Variants in KLHL36 observed in about 807,000 individuals in gnomAD.
The protein encoded by KLHL36 is kelch like family member 36.
Under a neutral mutation model 53.3 loss-of-function variants are expected in KLHL36, and 35 were observed. The ratio of observed to expected loss-of-function variants is 0.66; its 90% CI spans 0.50 to 0.87. The LOEUF (loss-of-function observed/expected upper bound fraction) is 0.87. KLHL36 is among the 40% of genes least tolerant of loss of function. The pLI is 0.00. For synonymous variants in KLHL36, 472 were observed against 398.9 expected (o/e 1.18, Z -2.18); for missense variants, 864 against 897.6 (o/e 0.96, Z 0.48).
In KLHL36 at chr16:84,657,913, G is replaced by A; in HGVS notation, c.1106G>A (p.Arg369Lys). Residue 369 changes from arginine (R) to lysine (K), a missense_variant, in exon 3 of 5, where the codon AGG becomes AAG. Physicochemically the swap from Arg to Lys is conservative, Grantham distance 26 (BLOSUM62 2). Transcript: ENST00000564996. ...GGDAASNLLYRYDPRCKQWIK... is the reference protein window; with the variant it reads ...GGDAASNLLYKYDPRCKQWIK... ...GATGCGGCCTCCAATCTTCTTTATAGGTATGACCCCCGCTGTAAACAGTGG... is the reference window on the plus strand; with the variant it reads ...GATGCGGCCTCCAATCTTCTTTATAAGTATGACCCCCGCTGTAAACAGTGG... 1 of 1,537,002 alleles carries A rather than the reference G, an allele frequency of 6.5e-7. No homozygotes were observed. The highest frequency in any genetic ancestry group is 8.8e-7 in the Non-Finnish European group (1 of 1,141,916).
In KLHL36 at chr16:84,661,931, TC is replaced by T; in HGVS notation, c.1651del (p.Leu551TrpfsTer91). ...GVAVWEGRIY[I>X]LGGYSWENTA... ...GCAGTGTGGGAGGGCCGCATCTACA[TC>T]CTGGGCGGCTACAGCTGGGAGAACA... On this transcript the variant is annotated frameshift_variant, in exon 5 of 5. Coordinates refer to ENST00000564996, the MANE Select transcript of KLHL36 (RefSeq NM_024731.4). LOFTEE classifies it high-confidence loss of function. The surrounding 1 kb of genome is among the most constrained non-coding windows in gnomAD (Gnocchi z 7.9). 1 of 1,601,226 alleles carries T rather than the reference TC, an allele frequency of 6.2e-7. No homozygotes were observed. Among genetic ancestry groups the T allele is most frequent in the Non-Finnish European group, 8.5e-7 (1 of 1,173,612 alleles).
At position 84,655,703 on chromosome 16, in the gene KLHL36, C is replaced by CAAAA. The variant is rs568975346; in HGVS notation, c.64-1153_64-1150dup. On this transcript the variant is annotated intron_variant, in intron 2 of 4. Transcript: ENST00000564996. The stretch of plus-strand genomic sequence containing the variant: ...TGGGCAACAGAGTGAGACCCTGTCT[C>CAAAA]AAAAAAAAAAAAAAAAAAGTCGAAC... Among the ~76,000 whole-genome samples the CAAAA allele has an allele frequency of 4.9e-4, 46 of 93,316 alleles. 1 individual carries two copies. Among genetic ancestry groups the CAAAA allele is most frequent in the Middle Eastern group, 6.2e-3 (1 of 162 alleles). The allele number at this position is 93,316 out of a possible 152,430, so 61.2% of individuals were successfully genotyped here.
chr16:84,657,829 C>T lies in KLHL36; in HGVS notation c.1022C>T (p.Ala341Val), dbSNP rs200720185. 28 of 1,606,324 alleles carry T rather than the reference C, an allele frequency of 1.7e-5. No homozygotes were observed. The African/African-American group carries it at 2.5e-4, about 15-fold the overall frequency. The change falls in exon 3 of 5, where the codon GCG becomes GTG. Residue 341 changes from alanine (A) to valine (V), a missense_variant. By Grantham distance (64) the Ala-to-Val change is moderately conservative. Transcript: ENST00000564996. ...GCCCGGCGGAGCCACCACTGTGTCG[C>T]GGTGCTGGGGGGCTTCATCTTCATC... ...LPARRSHHCV[A>V]VLGGFIFIAG...
Position 84,667,408 on chromosome 16 carries a change from G to T in KLHL36, c.*5275G>T, listed in dbSNP as rs1011062626. Reference sequence around the variant, plus strand: ...AATCGTGTATGTTTTTTAATTTGTTGCTTTTGTATTTGTAATTTTATGACA... The same window carrying T: ...AATCGTGTATGTTTTTTAATTTGTTTCTTTTGTATTTGTAATTTTATGACA... On this transcript the variant is annotated 3_prime_UTR_variant, in exon 5 of 5. Coordinates refer to ENST00000564996, the MANE Select transcript of KLHL36 (RefSeq NM_024731.4). 6.6e-6 allele frequency: 1 copy of T among 152,112 alleles called. No homozygotes were observed. The highest frequency in any genetic ancestry group is 2.4e-5 in the African/African-American group (1 of 41,426). 9.4% of individuals were successfully genotyped at this position (152,112 alleles called of 1,614,324 possible).
At chr16:84,658,181 C>T (rs570684813) in intron 3 of KLHL36, 1 of 391,138 alleles carries the variant, frequency 2.6e-6, no homozygotes, top group South Asian at 8.9e-5. Flanking sequence ...CCTGGCGGGG[C>T]TTTCTGTGCA....
Position 84,657,815 on chromosome 16 carries a change from C to A in KLHL36, c.1008C>A (p.Ser336Arg). Reference protein sequence around the residue: ...VKETPLPARRSHHCVAVLGGF... With the variant: ...VKETPLPARRRHHCVAVLGGF... Reference sequence around the variant, plus strand: ...AGACGCCGCTGCCCGCCCGGCGGAGCCACCACTGTGTCGCGGTGCTGGGGG... The same window carrying A: ...AGACGCCGCTGCCCGCCCGGCGGAGACACCACTGTGTCGCGGTGCTGGGGG... Residue 336 changes from serine (S) to arginine (R), a missense_variant, in exon 3 of 5, where the codon AGC (serine) becomes AGA (arginine). Coordinates refer to ENST00000564996, the MANE Select transcript of KLHL36 (RefSeq NM_024731.4). The A allele has an allele frequency of 6.2e-7, 1 of 1,606,590 alleles. No homozygotes were observed. Among genetic ancestry groups the A allele is most frequent in the Non-Finnish European group, 8.5e-7 (1 of 1,175,150 alleles).
At chr16:84,656,290 A>T (rs1399206124) in intron 2 of KLHL36, among the ~76,000 whole-genome samples, 1 of 141,216 alleles carries the variant, frequency 7.1e-6, no homozygotes, top group Non-Finnish European at 1.5e-5. Flanking sequence ...GTTTTTTGAG[A>T]CGGAGTTCTT....
chr16:84,658,053 T>C (rs2150725791), intron 3 of KLHL36, 109 bp downstream of exon 3: 1 of 811,876 alleles, frequency 1.2e-6, no homozygotes, highest in Non-Finnish European at 1.9e-6. Context: ...ATCCTGCTTC[T>C]GAATGAGGTG....
intron 2 of KLHL36, among the ~76,000 whole-genome samples, chr16:84,653,216 C>CA (rs896877249): frequency 0.01 from 1,500 of 144,378 alleles, 22 homozygotes; most frequent in African/African-American, 0.035. Flanking sequence ...GACCCTGTCT[C>CA]AAAAAAAAAA....
chr16:84,657,446 C>G lies in KLHL36; in HGVS notation c.639C>G (p.Ala213=). ...QRECEHDLLQ[A]ALQWLTQQPE... ...AGTGTGAGCACGACCTCCTGCAGGCCGCCCTGCAGTGGCTGACGCAGCAGC... is the reference window on the plus strand; with the variant it reads ...AGTGTGAGCACGACCTCCTGCAGGCGGCCCTGCAGTGGCTGACGCAGCAGC... Residue 213 remains alanine, a synonymous_variant, in exon 3 of 5, where the codon GCC becomes GCG. Transcript: ENST00000564996. The G allele has an allele frequency of 6.2e-7, 1 of 1,606,250 alleles. No homozygotes were observed. Among genetic ancestry groups the G allele is most frequent in the Non-Finnish European group, 8.5e-7 (1 of 1,179,952 alleles).
chr16:84,667,019 G>C lies in KLHL36; in HGVS notation c.*4886G>C, dbSNP rs534436194. 1 of 146,776 alleles carries C rather than the reference G, an allele frequency of 6.8e-6. No homozygotes were observed. Among genetic ancestry groups the C allele is most frequent in the African/African-American group, 2.5e-5 (1 of 39,304 alleles). 9.1% of individuals were successfully genotyped at this position (146,776 alleles called of 1,614,324 possible). On this transcript the variant is annotated 3_prime_UTR_variant, in exon 5 of 5. Transcript: ENST00000564996. ...AGAGGTTGCAGTGAGCCGAGGTTGC[G>C]CCACTGCACTCCAGCCTGGGTGACC...
intron 3 of KLHL36, 36 bp downstream of exon 3, chr16:84,657,980 G>A (rs1907323816): frequency 1.4e-6 from 2 of 1,421,500 alleles, no homozygotes; most frequent in Non-Finnish European, 9.4e-7. Context: ...TTTCTCTTGA[G>A]GACTCTCTCG....
At position 84,659,822 on chromosome 16, in the gene KLHL36, G is replaced by A; in HGVS notation, c.1200G>A (p.Val400=). 2 of 1,614,122 alleles carry A rather than the reference G, an allele frequency of 1.2e-6. No homozygotes were observed. The highest frequency in any genetic ancestry group is 1.7e-6 in the Non-Finnish European group (2 of 1,180,024). The change falls in exon 4 of 5, where the codon GTG becomes GTA. Residue 400 remains valine (V), a synonymous_variant. Coordinates refer to ENST00000564996, the MANE Select transcript of KLHL36 (RefSeq NM_024731.4). ...TTGCCTCCATCGAAGACATGCTGGT[G>A]GCCATCGGCGGCCGGAATGAGAACG... ...FYLASIEDML[V]AIGGRNENGA...
chr16:84,649,402 G>C (rs1450815625), intron 1 of KLHL36: 2 of 152,462 alleles, frequency 1.3e-5, no homozygotes, highest in East Asian at 1.9e-4. Context: ...TGGAGAGAGA[G>C]GGCACCTGCT....
At position 84,662,921 on chromosome 16, in the gene KLHL36, T is replaced by A. The variant is rs1411694350; in HGVS notation, c.*788T>A. On this transcript the variant is annotated 3_prime_UTR_variant, in exon 5 of 5. Coordinates refer to ENST00000564996, the MANE Select transcript of KLHL36 (RefSeq NM_024731.4). ...ACGAAAAAAGGTATGAAGCTCTTTA[T>A]ACATATTTTTTTGTAATTTGTGCAT... is the stretch of plus-strand genomic sequence containing the variant. The A allele has an allele frequency of 6.6e-6, 1 of 152,086 alleles. No individual in the cohort carries two copies. Among genetic ancestry groups the A allele is most frequent in the Non-Finnish European group, 1.5e-5 (1 of 68,018 alleles). 9.4% of individuals were successfully genotyped at this position (152,086 alleles called of 1,614,324 possible). A position where few individuals can be genotyped will look rare whatever the true frequency, so the allele number is the denominator to read the frequency against.
chr16:84,659,061 G>T (rs1480066115), intron 3 of KLHL36: 1 of 152,170 alleles, frequency 6.6e-6, no homozygotes, highest in South Asian at 2.1e-4. Context: ...GAGTGCAGTG[G>T]CACGATCTCG....
intron 2 of KLHL36, among the ~76,000 whole-genome samples, chr16:84,653,790 A>C (rs1046209201): frequency 6.7e-6 from 1 of 148,228 alleles, no homozygotes; most frequent in African/African-American, 2.5e-5. Flanking sequence ...CAGTGAGCCG[A>C]GATCGAGCCA....
In KLHL36 at chr16:84,662,085, C is replaced by G. The variant is rs754133346; in HGVS notation, c.1803C>G (p.Asp601Glu). 2 of 1,572,990 alleles carry G rather than the reference C, an allele frequency of 1.3e-6. No individual in the cohort carries two copies. Among genetic ancestry groups the G allele is most frequent in the African/African-American group, 1.3e-5 (1 of 74,480 alleles). Reference protein sequence around the residue: ...CVCALEPRPEDKKKKGKGKRH... With the variant: ...CVCALEPRPEEKKKKGKGKRH... ...GCGCCCTGGAGCCACGGCCAGAGGA[C>G]AAGAAGAAGAAAGGCAAAGGCAAGA... The change falls in exon 5 of 5, where the codon GAC becomes GAG. Residue 601 changes from aspartate to glutamate, a missense_variant. By Grantham distance (45) the Asp-to-Glu change is conservative (BLOSUM62 2). Coordinates refer to ENST00000564996, the MANE Select transcript of KLHL36 (RefSeq NM_024731.4).
chr16:84,649,698 C>T (rs1190564744), intron 1 of KLHL36, among the ~76,000 whole-genome samples: 1 of 152,202 alleles, frequency 6.6e-6, no homozygotes, highest in Non-Finnish European at 1.5e-5. Flanking sequence ...ACGGACTGTG[C>T]CCGAATTCAT....
Sources: allele counts gnomAD v4.1 joint callset (sites outside exome capture counted in the v4.1 genomes callset), GRCh38; gene constraint gnomAD v4.1.1; non-coding constraint Gnocchi (gnomAD v3.1); transcripts MANE v1.5; gene names NCBI Gene and HGNC (gene_info 2026-07-23, HGNC 2026-07-21).